HEG1: variants seen among roughly 807,000 people sequenced by gnomAD.
HEG1 encodes the protein protein HEG homolog 1.
Under a neutral mutation model 125.6 loss-of-function variants are expected in HEG1, and 56 were observed. The ratio of observed to expected loss-of-function variants is 0.45; its 90% CI spans 0.36 to 0.56. The LOEUF is 0.56. HEG1 is among the 20% of genes least tolerant of loss of function. The pLI is 0.00. For missense variants in HEG1, 1,523 were observed against 1,670.0 expected (o/e 0.91, Z 1.53); for synonymous variants, 644 against 668.5 (o/e 0.96, Z 0.57).
intron 11 of HEG1, among the ~76,000 whole-genome samples, chr3:125,000,824 C>T (rs1048371414): frequency 1.4e-4 from 22 of 152,312 alleles, no homozygotes; most frequent in African/African-American, 5.1e-4. Flanking sequence ...TCATGTCCAG[C>T]GTCTGGATGC....
rs181929099 is a variant in HEG1, at chr3:125,004,638, C to A, written c.3297+627G>T. On this transcript the variant is annotated intron_variant, in intron 9 of 16. Coordinates refer to ENST00000311127, the MANE Select transcript of HEG1 (RefSeq NM_020733.2). ...CTGAGTAGCTGGGACCACACGTGCA[C>A]GCCACCAACCCTAGCTAACTTTTGT... Among the ~76,000 whole-genome samples the A allele has an allele frequency of 2.7e-4, 41 of 152,010 alleles. No individual in the cohort carries two copies. The East Asian group carries it at 5.8e-3, about 22-fold the overall frequency.
intron 1 of HEG1, among the ~76,000 whole-genome samples, chr3:125,055,054 G>A (rs1207275047): frequency 6.6e-6 from 1 of 152,138 alleles, no homozygotes; most frequent in Non-Finnish European, 1.5e-5. Context: ...AACCCCAACC[G>A]CGTTCCTTTG....
At position 124,969,374 on chromosome 3, in the gene HEG1, A is replaced by T. The variant is rs1433689345; in HGVS notation, c.*1278T>A. On this transcript the variant is annotated 3_prime_UTR_variant, in exon 17 of 17. Transcript: ENST00000311127. ...GTTCCTCGACCAACCGGAAGTCTTCAGTTCTCCCACACTGACTGGAAGTAT... is the reference window on the plus strand; with the variant it reads ...GTTCCTCGACCAACCGGAAGTCTTCTGTTCTCCCACACTGACTGGAAGTAT... 6.6e-6 allele frequency: 1 copy of T among 152,226 alleles called. No individual in the cohort carries two copies. Among genetic ancestry groups the T allele is most frequent in the African/African-American group, 2.4e-5 (1 of 41,460 alleles). The allele number at this position is 152,226 out of a possible 1,614,324, so 9.4% of individuals were successfully genotyped here.
At chr3:125,021,663 A>G (rs1937337461) in intron 3 of HEG1, among the ~76,000 whole-genome samples, 2 of 152,234 alleles carry the variant, frequency 1.3e-5, no homozygotes, top group Admixed American at 6.5e-5. Context: ...CATGGCCTAG[A>G]GCAGTAATTC....
chr3:125,017,220 A>G (rs1937264754), intron 5 of HEG1, among the ~76,000 whole-genome samples: 1 of 152,128 alleles, frequency 6.6e-6, no homozygotes, highest in Non-Finnish European at 1.5e-5. Flanking sequence ...ATGTCTGGCT[A>G]ATTTTTGTAT....
At chr3:125,036,422 T>C (rs1937548366) in intron 1 of HEG1, among the ~76,000 whole-genome samples, 2 of 152,274 alleles carry the variant, frequency 1.3e-5, no homozygotes, top group Non-Finnish European at 1.5e-5. Context: ...TGGTTAATTC[T>C]GGGGAACAGA....
chr3:124,996,948 T>C (rs1936932448), intron 12 of HEG1, among the ~76,000 whole-genome samples: 1 of 152,214 alleles, frequency 6.6e-6, no homozygotes, highest in African/African-American at 2.4e-5. Context: ...TTTAAAGCAG[T>C]ATTCTTGGAC....
chr3:125,025,561 C>G (rs6786899), intron 3 of HEG1, among the ~76,000 whole-genome samples: 101,976 of 151,976 alleles, frequency 0.67, 34,649 homozygotes, highest in East Asian at 0.88. Context: ...GAAAAATATA[C>G]GTGAAAAAAA....
In HEG1 at chr3:124,966,736, G is replaced by A. The variant is rs1936321263; in HGVS notation, c.*3916C>T. The A allele has an allele frequency of 6.6e-6, 1 of 152,202 alleles. No homozygotes were observed. The highest frequency in any genetic ancestry group is 2.4e-5 in the African/African-American group (1 of 41,450). 9.4% of individuals were successfully genotyped at this position (152,202 alleles called of 1,614,324 possible). A position where few individuals can be genotyped will look rare whatever the true frequency, so the allele number is the denominator to read the frequency against. ...TATGGGTCAAAACCCTGTGTGTTAG[G>A]CTAAACTTAGCCAAGGGCAACTGGA... On this transcript the variant is annotated 3_prime_UTR_variant, in exon 17 of 17. Coordinates refer to ENST00000311127, the MANE Select transcript of HEG1 (RefSeq NM_020733.2).
intron 9 of HEG1, among the ~76,000 whole-genome samples, chr3:125,004,941 T>TG (rs1937051831): frequency 6.6e-6 from 1 of 152,212 alleles, no homozygotes; most frequent in African/African-American, 2.4e-5. Flanking sequence ...AAGATTTTTC[T>TG]GGGTCTTTCC....
At chr3:124,971,987 G>T (rs969908922) in intron 16 of HEG1, 2 of 151,878 alleles carry the variant, frequency 1.3e-5, no homozygotes, top group Non-Finnish European at 2.9e-5. Context: ...TAGAGACAGG[G>T]TCTCACCATG....
At position 124,997,778 on chromosome 3, in the gene HEG1, G is replaced by T; in HGVS notation, c.3563C>A (p.Thr1188Asn). 1 of 1,599,372 alleles carries T rather than the reference G, an allele frequency of 6.3e-7. No individual in the cohort carries two copies. The highest frequency in any genetic ancestry group is 1.7e-4 in the Middle Eastern group (1 of 6,024). The stretch of plus-strand genomic sequence containing the variant: ...GCCGTCCAGGTCAGTGCAGATGGAG[G>T]TGTCTTTGTCACATTCGGGACTCTT... ...KRKSPECDKD[T>N]SICTDLDGVA... The change falls in exon 12 of 17, where the codon ACC becomes AAC. Residue 1188 changes from threonine to asparagine, a missense_variant. Coordinates refer to ENST00000311127, the MANE Select transcript of HEG1 (RefSeq NM_020733.2).
chr3:125,009,565 T>G, intron 8 of HEG1, 140 bp downstream of exon 8: 2 of 797,212 alleles, frequency 2.5e-6, no homozygotes, highest in Non-Finnish European at 1.9e-6. Flanking sequence ...TAATGGACAA[T>G]AGCTTCCACT....
chr3:124,968,783 G>A lies in HEG1; in HGVS notation c.*1869C>T, dbSNP rs573580768. 7 of 152,324 alleles carry A rather than the reference G, an allele frequency of 4.6e-5. No individual in the cohort carries two copies. Among genetic ancestry groups the A allele is most frequent in the South Asian group, 2.1e-4 (1 of 4,820 alleles). The allele number at this position is 152,324 out of a possible 1,614,324, so 9.4% of individuals were successfully genotyped here. A position where few individuals can be genotyped will look rare whatever the true frequency, so the allele number is the denominator to read the frequency against. ...AGCTCAGAACTCTCCAGTTAGGTGCGAGGCCGTGAGCCACAAAGGGCCATT... is the reference window on the plus strand; with the variant it reads ...AGCTCAGAACTCTCCAGTTAGGTGCAAGGCCGTGAGCCACAAAGGGCCATT... On this transcript the variant is annotated 3_prime_UTR_variant, in exon 17 of 17. Coordinates refer to ENST00000311127, the MANE Select transcript of HEG1 (RefSeq NM_020733.2).
intron 5 of HEG1, 26 bp from the exon 6 acceptor site, chr3:125,014,016 G>A (rs1579418346): frequency 6.4e-7 from 1 of 1,557,394 alleles, no homozygotes; most frequent in African/African-American, 1.4e-5. Context: ...CCAAAGTTAG[G>A]TCAAATAAAA....
intron 14 of HEG1, among the ~76,000 whole-genome samples, chr3:124,980,358 A>T (rs10512633): frequency 0.068 from 10,335 of 152,194 alleles, 435 homozygotes; most frequent in South Asian, 0.12. Flanking sequence ...AAATTTTCTC[A>T]CTTCCAACAA....
intron 4 of HEG1, among the ~76,000 whole-genome samples, chr3:125,020,076 T>C (rs1213843075): frequency 6.6e-6 from 1 of 152,246 alleles, no homozygotes; most frequent in Non-Finnish European, 1.5e-5. Context: ...ATAATATTTA[T>C]ATCTGCACAT....
chr3:125,025,465 C>T (rs772933164), intron 3 of HEG1, among the ~76,000 whole-genome samples: 29 of 151,974 alleles, frequency 1.9e-4, no homozygotes, highest in African/African-American at 6.0e-4. Context: ...ATGAAAGATA[C>T]GATGAAACTC....
intron 16 of HEG1, among the ~76,000 whole-genome samples, chr3:124,971,820 GC>G (rs1936429883): frequency 8.1e-6 from 1 of 123,916 alleles, no homozygotes; most frequent in South Asian, 2.5e-4. Context: ...ACAGGGTCTT[GC>G]TCTATTGCCC....
Sources: allele counts gnomAD v4.1 joint callset (sites outside exome capture counted in the v4.1 genomes callset), GRCh38; gene constraint gnomAD v4.1.1; transcripts MANE v1.5; gene names NCBI Gene and HGNC (gene_info 2026-07-23, HGNC 2026-07-21).